The following ZNF18 variants were observed in gnomAD, a reference collection of about 807,000 sequenced individuals.
ZNF18 encodes the protein heart development-specific gene 1 protein.
ZNF18 carries 42 observed loss-of-function variants against 58.1 expected under a neutral mutation model. That is an observed-to-expected ratio of 0.72 (90% confidence interval 0.56 to 0.93). ZNF18 has a LOEUF of 0.93. ZNF18 is among the 40% of genes least tolerant of loss of function. The probability of loss-of-function intolerance (pLI) is 0.00; values close to 1 mark genes in which losing one functional copy is unlikely to be tolerated. For synonymous variants in ZNF18, 231 were observed against 239.8 expected (o/e 0.96, Z 0.34); for missense variants, 540 against 644.2 (o/e 0.84, Z 1.75).
the ZNF18 span, among the ~76,000 whole-genome samples, chr17:12,006,302 C>A: frequency 1.3e-5 from 2 of 152,092 alleles, no homozygotes; most frequent in African/African-American, 4.8e-5. Context: ...GGTTTCTGGG[C>A]TGGTTTTTAT....
the ZNF18 span, among the ~76,000 whole-genome samples, chr17:12,009,971 G>T: frequency 6.6e-6 from 1 of 152,124 alleles, no homozygotes; most frequent in African/African-American, 2.4e-5. Context: ...TGGTAGTTTA[G>T]AAAAGACTAC....
At position 11,992,778 on chromosome 17, in the gene ZNF18, C is replaced by T. The variant is rs762252095; in HGVS notation, c.52G>A (p.Ala18Thr). 1.2e-6 allele frequency: 2 copies of T among 1,613,966 alleles called. No homozygotes were observed. The highest frequency in any genetic ancestry group is 1.7e-6 in the Non-Finnish European group (2 of 1,180,050). ...GATTCTGAGAACTGGGAGTCCTCGG[C>T]CTTCGCCAGCGATGGCAGCAGGCCT... ...ALGLLPSLAK[A>T]EDSQFSESDA... is the part of the protein sequence containing the mutation. The change falls in exon 2 of 7, where the codon GCC (alanine) becomes ACC (threonine). Residue 18 changes from alanine to threonine, a missense_variant. Coordinates refer to ENST00000580306, the MANE Select transcript of ZNF18 (RefSeq NM_001303281.2).
the ZNF18 span, chr17:12,020,730 G>A: frequency 2.7e-6 from 1 of 376,532 alleles, no homozygotes; most frequent in Non-Finnish European, 4.6e-6. Context: ...GGCCCGGGCT[G>A]CGCGTCGGGC....
the ZNF18 span, chr17:12,021,459 C>T: frequency 2.0e-5 from 3 of 152,018 alleles, no homozygotes; most frequent in Admixed American, 1.3e-4. Flanking sequence ...GGCCGGCGCC[C>T]CTCGGCCCCG....
the ZNF18 span, among the ~76,000 whole-genome samples, chr17:12,006,746 A>C: frequency 6.6e-6 from 1 of 152,184 alleles, no homozygotes; most frequent in Non-Finnish European, 1.5e-5. Flanking sequence ...GCTCAAAAAA[A>C]AGAACTGAGC....
chr17:12,007,984 G>T, the ZNF18 span, among the ~76,000 whole-genome samples: 62 of 152,088 alleles, frequency 4.1e-4, no homozygotes, highest in Non-Finnish European at 1.5e-4. Flanking sequence ...CTCAGAGAAC[G>T]GAAAGAAAAT....
the ZNF18 span, among the ~76,000 whole-genome samples, chr17:12,002,775 T>G: frequency 6.6e-6 from 1 of 152,184 alleles, no homozygotes; most frequent in Non-Finnish European, 1.5e-5. Flanking sequence ...ATGAGATTGT[T>G]GTGGGCCAGA....
intron 4 of ZNF18, among the ~76,000 whole-genome samples, chr17:11,984,517 GTT>G (rs36063923): frequency 1.0e-3 from 145 of 143,832 alleles, no homozygotes; most frequent in East Asian, 2.9e-3. Context: ...TTTTATTTGG[GTT>G]TTTTTTTTTT....
the ZNF18 span, among the ~76,000 whole-genome samples, chr17:12,006,527 T>C: frequency 6.6e-6 from 1 of 152,214 alleles, no homozygotes; most frequent in Non-Finnish European, 1.5e-5. Context: ...GTAATTTGTA[T>C]GTATCACGTG....
In ZNF18 at chr17:11,978,325, T is replaced by C. The variant is rs1967116730; in HGVS notation, c.1282A>G (p.Arg428Gly). Residue 428 changes from arginine (R) to glycine (G), a missense_variant, in exon 7 of 7, where the codon AGA becomes GGA. Arg to Gly is a moderately radical substitution (Grantham distance 125). Transcript: ENST00000580306. Reference protein sequence around the residue: ...YRNSQLIFHQRTHTGETYFQC... With the variant: ...YRNSQLIFHQGTHTGETYFQC... Reference sequence around the variant, plus strand: ...AAGTATGTCTCTCCGGTGTGAGTTCTTTGGTGAAAAATAAGCTGAGAATTC... The same window carrying C: ...AAGTATGTCTCTCCGGTGTGAGTTCCTTGGTGAAAAATAAGCTGAGAATTC... The C allele has an allele frequency of 1.9e-6, 3 of 1,591,342 alleles. No individual in the cohort carries two copies. Among genetic ancestry groups the C allele is most frequent in the African/African-American group, 1.4e-5 (1 of 73,566 alleles).
the ZNF18 span, among the ~76,000 whole-genome samples, chr17:12,008,402 G>T: frequency 2.3e-4 from 35 of 152,178 alleles, no homozygotes; most frequent in Admixed American, 1.6e-3. Context: ...GTCTAGCTAC[G>T]TTGCCCAGGC....
chr17:11,997,550 T>C (rs1968557982), upstream of ZNF18: 2 of 152,336 alleles, frequency 1.3e-5, no homozygotes, highest in Middle Eastern at 3.4e-3. Context: ...GCGGAGCTGA[T>C]ACCGAAGCTC....
chr17:12,009,688 A>C, the ZNF18 span, among the ~76,000 whole-genome samples: 1 of 151,724 alleles, frequency 6.6e-6, no homozygotes, highest in African/African-American at 2.4e-5. Context: ...CCTGACCTTA[A>C]GTGATCCACC....
intron 4 of ZNF18, among the ~76,000 whole-genome samples, chr17:11,986,431 T>C (rs1273812619): frequency 6.6e-6 from 1 of 152,176 alleles, no homozygotes; most frequent in African/African-American, 2.4e-5. Flanking sequence ...AATTAGCAGG[T>C]GCTAAGCCAA....
chr17:11,989,466 A>G (rs189244525), intron 4 of ZNF18, among the ~76,000 whole-genome samples: 1,554 of 152,364 alleles, frequency 0.01, 29 homozygotes, highest in African/African-American at 0.036. Flanking sequence ...ATACAAATAC[A>G]ACTATATTCC....
chr17:12,013,210 A>G, the ZNF18 span, among the ~76,000 whole-genome samples: 288 of 152,292 alleles, frequency 1.9e-3, 4 homozygotes, highest in African/African-American at 6.5e-3. Context: ...TGCGCCTCCC[A>G]AAGTGCTGGG....
At chr17:12,002,605 C>T in the ZNF18 span, among the ~76,000 whole-genome samples, 1 of 152,218 alleles carries the variant, frequency 6.6e-6, no homozygotes, top group African/African-American at 2.4e-5. Context: ...CTTTTTCTGA[C>T]TGCAGATCCC....
chr17:11,997,614 T>A (rs1266106238), upstream of ZNF18: 2 of 152,268 alleles, frequency 1.3e-5, no homozygotes, highest in Non-Finnish European at 2.9e-5. Context: ...CCCAGGAGCC[T>A]CCACCGACAT....
chr17:12,009,667 G>T, the ZNF18 span, among the ~76,000 whole-genome samples: 35,125 of 151,702 alleles, frequency 0.23, 4,230 homozygotes, highest in Non-Finnish European at 0.26. Context: ...TGGCCAGGCT[G>T]GTGTCGAACC....
Sources: allele counts gnomAD v4.1 joint callset (sites outside exome capture counted in the v4.1 genomes callset), GRCh38; gene constraint gnomAD v4.1.1; transcripts MANE v1.5; gene names NCBI Gene and HGNC (gene_info 2026-07-23, HGNC 2026-07-21).